Variants in LGSN observed in about 807,000 individuals in gnomAD.
LGSN encodes lengsin, lens protein with glutamine synthetase domain.
A neutral mutation model predicts 19.5 loss-of-function variants in LGSN; 21 were observed. The ratio of observed to expected loss-of-function variants is 1.07; its 90% CI spans 0.76 to 1.55. The LOEUF is 1.55. Among genes scored for constraint, LGSN ranks in the 40% most tolerant of loss-of-function variants. The pLI is 0.00. For synonymous variants in LGSN, 257 were observed against 215.6 expected (o/e 1.19, Z -1.68); for missense variants, 673 against 608.5 (o/e 1.11, Z -1.12).
At chr6:63,558,361 A>C in the LGSN span, among the ~76,000 whole-genome samples, 2 of 152,186 alleles carry the variant, frequency 1.3e-5, no homozygotes, top group African/African-American at 4.8e-5. Flanking sequence ...ACAGTAAAAA[A>C]TTAGAAGGAG....
chr6:63,292,688 G>A (rs958336621), intron 2 of LGSN, among the ~76,000 whole-genome samples: 21 of 152,190 alleles, frequency 1.4e-4, no homozygotes, highest in African/African-American at 5.1e-4. Flanking sequence ...GAATAGTGCT[G>A]TCTGTCCATA....
chr6:63,554,550 C>A, the LGSN span, among the ~76,000 whole-genome samples: 13 of 152,250 alleles, frequency 8.5e-5, no homozygotes, highest in East Asian at 1.9e-3. Context: ...GTAATCCCAG[C>A]ACTTTGGGAG....
At chr6:63,361,147 G>A in the LGSN span, among the ~76,000 whole-genome samples, 1 of 152,142 alleles carries the variant, frequency 6.6e-6, no homozygotes. Context: ...CAGATCTCAA[G>A]CTGCATGCTG....
At chr6:63,455,977 C>T in the LGSN span, among the ~76,000 whole-genome samples, 54 of 151,956 alleles carry the variant, frequency 3.6e-4, no homozygotes, top group Non-Finnish European at 5.4e-4. Flanking sequence ...CGCCTGTAAT[C>T]CCAGCACTTT....
At chr6:63,368,265 A>T in the LGSN span, among the ~76,000 whole-genome samples, 3 of 152,118 alleles carry the variant, frequency 2.0e-5, no homozygotes, top group Admixed American at 2.0e-4. Context: ...GGACCCTTAA[A>T]GGCTATCTGG....
chr6:63,307,636 C>G (rs1405646190), intron 1 of LGSN, among the ~76,000 whole-genome samples: 1 of 152,210 alleles, frequency 6.6e-6, no homozygotes, highest in Non-Finnish European at 1.5e-5. Context: ...AGTGGTGCAG[C>G]TCTCCCTGGT....
At chr6:63,387,781 G>T in the LGSN span, among the ~76,000 whole-genome samples, 1 of 151,924 alleles carries the variant, frequency 6.6e-6, no homozygotes, top group Non-Finnish European at 1.5e-5. Flanking sequence ...CAGTCTCCCA[G>T]GCTCAAGCCA....
At chr6:63,351,637 T>C in the LGSN span, among the ~76,000 whole-genome samples, 106 of 152,266 alleles carry the variant, frequency 7.0e-4, no homozygotes, top group African/African-American at 2.5e-3. Context: ...TTTGTATTTT[T>C]AGTAGAGACG....
the LGSN span, among the ~76,000 whole-genome samples, chr6:63,382,071 T>C: frequency 5.6e-3 from 849 of 152,304 alleles, 2 homozygotes; most frequent in African/African-American, 0.019. Context: ...TCTTCTTCAA[T>C]CATTAAGGCT....
the LGSN span, among the ~76,000 whole-genome samples, chr6:63,365,170 CA>C: frequency 5.3e-5 from 8 of 151,904 alleles, no homozygotes; most frequent in Non-Finnish European, 1.2e-4. Context: ...AAAAAATCAA[CA>C]AAATTGACAG....
At chr6:63,481,819 G>A in the LGSN span, 1 of 313,338 alleles carries the variant, frequency 3.2e-6, no homozygotes, top group South Asian at 3.4e-5. Context: ...TGCGGGAGGA[G>A]CAGATCACTG....
the LGSN span, among the ~76,000 whole-genome samples, chr6:63,332,976 C>G: frequency 6.6e-6 from 1 of 151,874 alleles, no homozygotes; most frequent in Non-Finnish European, 1.5e-5. Flanking sequence ...CCGGTGGGCT[C>G]GTGGTCTCTC....
At chr6:63,328,326 C>T in the LGSN span, among the ~76,000 whole-genome samples, 1 of 152,150 alleles carries the variant, frequency 6.6e-6, no homozygotes, top group Admixed American at 6.5e-5. Flanking sequence ...CAGTCATGCT[C>T]GATTGGTTCC....
the LGSN span, among the ~76,000 whole-genome samples, chr6:63,345,118 T>A: frequency 2.0e-5 from 3 of 151,898 alleles, no homozygotes; most frequent in Non-Finnish European, 4.4e-5. Flanking sequence ...CAAAAAAAAA[T>A]AAATATTCCT....
the LGSN span, among the ~76,000 whole-genome samples, chr6:63,508,654 C>T: frequency 2.0e-5 from 3 of 152,010 alleles, no homozygotes; most frequent in Admixed American, 6.6e-5. Context: ...CGGTGGCTCA[C>T]GCCTATAATC....
chr6:63,357,584 GA>G, the LGSN span, among the ~76,000 whole-genome samples: 3 of 152,190 alleles, frequency 2.0e-5, no homozygotes, highest in African/African-American at 7.2e-5. Context: ...GATGGCCACT[GA>G]TGATGAACAT....
chr6:63,383,950 T>A, the LGSN span, among the ~76,000 whole-genome samples: 1 of 152,236 alleles, frequency 6.6e-6, no homozygotes, highest in East Asian at 1.9e-4. Flanking sequence ...GTCTCCCACA[T>A]ACCAGCTTCT....
chr6:63,335,953 G>A, the LGSN span, among the ~76,000 whole-genome samples: 2 of 151,458 alleles, frequency 1.3e-5, no homozygotes, highest in Admixed American at 6.5e-5. Flanking sequence ...TAAAGAAAAT[G>A]TGCTATACAT....
chr6:63,429,536 G>A, the LGSN span, among the ~76,000 whole-genome samples: 1 of 152,106 alleles, frequency 6.6e-6, no homozygotes, highest in South Asian at 2.1e-4. Context: ...AGGAGTTCGA[G>A]ACGAGCCTGG....
Sources: allele counts gnomAD v4.1 joint callset (sites outside exome capture counted in the v4.1 genomes callset), GRCh38; gene constraint gnomAD v4.1.1; transcripts MANE v1.5; gene names NCBI Gene and HGNC (gene_info 2026-07-23, HGNC 2026-07-21).